DHRS7B: variants seen among roughly 807,000 people sequenced by gnomAD.
The protein encoded by DHRS7B is dehydrogenase/reductase 7B, also known as peroxisomal reductase activating PPAR-gamma.
DHRS7B carries 24 observed loss-of-function variants against 26.4 expected under a neutral mutation model. The ratio of observed to expected loss-of-function variants is 0.91; its 90% CI spans 0.66 to 1.28. The LOEUF is 1.28. Among genes scored for constraint, DHRS7B ranks in the 50% most tolerant of loss-of-function variants. The probability of loss-of-function intolerance (pLI) is 0.00; values close to 1 mark genes in which losing one functional copy is unlikely to be tolerated. For missense variants in DHRS7B, 368 were observed against 419.4 expected (o/e 0.88, Z 1.07); for synonymous variants, 142 against 166.4 (o/e 0.85, Z 1.13).
chr17:21,156,520 G>A (rs371821125), intron 1 of DHRS7B, among the ~76,000 whole-genome samples: 7 of 151,836 alleles, frequency 4.6e-5, no homozygotes, highest in Middle Eastern at 3.2e-3. Flanking sequence ...CAGGAGAATC[G>A]CTTGAACCTG....
chr17:21,151,939 A>C (rs936508509), intron 1 of DHRS7B, among the ~76,000 whole-genome samples: 1 of 152,128 alleles, frequency 6.6e-6, no homozygotes, highest in Non-Finnish European at 1.5e-5. Context: ...TTTTCACAAG[A>C]TCTGGCTGTG....
intron 1 of DHRS7B, among the ~76,000 whole-genome samples, chr17:21,157,052 T>A (rs768404131): frequency 6.6e-6 from 1 of 152,156 alleles, no homozygotes; most frequent in Admixed American, 6.5e-5. Flanking sequence ...CCTGTATCTA[T>A]TAGAGAAATG....
chr17:21,139,987 T>A (rs943040865), intron 1 of DHRS7B, among the ~76,000 whole-genome samples: 3 of 151,034 alleles, frequency 2.0e-5, no homozygotes, highest in Non-Finnish European at 4.4e-5. Context: ...TGTAGATTCA[T>A]AGAAACCTTT....
At chr17:21,189,574 C>G (rs1293307774) in intron 6 of DHRS7B, among the ~76,000 whole-genome samples, 1 of 152,238 alleles carries the variant, frequency 6.6e-6, no homozygotes, top group African/African-American at 2.4e-5. Context: ...GCTGTGATGT[C>G]TGCCAGGGGC....
At chr17:21,138,077 T>G (rs11657776) in intron 1 of DHRS7B, among the ~76,000 whole-genome samples, 1 of 97,502 alleles carries the variant, frequency 1.0e-5, no homozygotes, top group African/African-American at 4.7e-5. Flanking sequence ...AAAAAAAAAA[T>G]ATATATATAT....
chr17:21,160,977 A>G (rs147679411), intron 1 of DHRS7B, among the ~76,000 whole-genome samples: 38 of 152,338 alleles, frequency 2.5e-4, no homozygotes, highest in African/African-American at 8.7e-4. Context: ...TATGTACCAT[A>G]TGTTTCCAAG....
rs74878014 is a variant in DHRS7B, at chr17:21,134,131, T to G, written c.20+7140T>G. On this transcript the variant is annotated intron_variant, in intron 1 of 6. Coordinates refer to ENST00000395511, the MANE Select transcript of DHRS7B (RefSeq NM_015510.5). ...AAAATAATAAAAATTGGAAAAACAT[T>G]AGGCAAGACTAGACTCCAACAACAG... Among the ~76,000 whole-genome samples, 1,498 of 152,292 alleles carry G rather than the reference T, an allele frequency of 9.8e-3. 13 individuals are homozygous for G. The highest frequency in any genetic ancestry group is 0.017 in the Non-Finnish European group (1,134 of 68,016).
chr17:21,190,289 C>G (rs897479751), intron 6 of DHRS7B, among the ~76,000 whole-genome samples: 1 of 152,112 alleles, frequency 6.6e-6, no homozygotes, highest in Non-Finnish European at 1.5e-5. Flanking sequence ...CATCAGTTGC[C>G]GTTAATCTAA....
chr17:21,135,402 T>C (rs1175388022), intron 1 of DHRS7B, among the ~76,000 whole-genome samples: 1 of 152,222 alleles, frequency 6.6e-6, no homozygotes, highest in Non-Finnish European at 1.5e-5. Flanking sequence ...AAAGACATAA[T>C]TTATTATTTG....
intron 1 of DHRS7B, among the ~76,000 whole-genome samples, chr17:21,142,963 A>T (rs1435543385): frequency 6.6e-6 from 1 of 152,080 alleles, no homozygotes; most frequent in African/African-American, 2.4e-5. Context: ...GCGTCTTGCT[A>T]TGTTGCCCAG....
intron 1 of DHRS7B, among the ~76,000 whole-genome samples, chr17:21,154,332 T>C (rs557804443): frequency 1.4e-4 from 22 of 151,972 alleles, no homozygotes; most frequent in Admixed American, 4.6e-4. Flanking sequence ...AAATTACATC[T>C]GACTTCTCAG....
intron 1 of DHRS7B, among the ~76,000 whole-genome samples, chr17:21,130,961 A>C (rs905225645): frequency 1.3e-4 from 20 of 152,176 alleles, no homozygotes; most frequent in Non-Finnish European, 1.5e-5. Flanking sequence ...GAAATACAAC[A>C]AATTCCTTAG....
At chr17:21,140,426 T>C (rs1973471049) in intron 1 of DHRS7B, among the ~76,000 whole-genome samples, 2 of 148,530 alleles carry the variant, frequency 1.3e-5, no homozygotes, top group Admixed American at 1.4e-4. Context: ...GTTTACATTA[T>C]AAGGTGCGGA....
chr17:21,184,734 A>T (rs1323838672), intron 5 of DHRS7B, among the ~76,000 whole-genome samples: 1 of 152,102 alleles, frequency 6.6e-6, no homozygotes, highest in Admixed American at 6.6e-5. Flanking sequence ...AGCCCGGAGG[A>T]CTGCTGTGAG....
intron 3 of DHRS7B, among the ~76,000 whole-genome samples, chr17:21,179,970 T>G (rs1191205182): frequency 1.3e-5 from 2 of 151,714 alleles, no homozygotes; most frequent in East Asian, 3.9e-4. Context: ...TTCTCCATAT[T>G]GGTCAGGCTG....
At chr17:21,152,632 A>G (rs12600689) in intron 1 of DHRS7B, among the ~76,000 whole-genome samples, 53,216 of 144,326 alleles carry the variant, frequency 0.37, 9,535 homozygotes, top group Middle Eastern at 0.46. Context: ...GAGGGAGGGG[A>G]AAAAAAATCA....
intron 1 of DHRS7B, among the ~76,000 whole-genome samples, chr17:21,164,922 C>T (rs1347890841): frequency 6.6e-6 from 1 of 152,196 alleles, no homozygotes; most frequent in African/African-American, 2.4e-5. Context: ...CATACTCAAA[C>T]ATGACGAGCC....
chr17:21,177,000 C>A (rs532567963), intron 2 of DHRS7B, among the ~76,000 whole-genome samples: 16 of 152,086 alleles, frequency 1.1e-4, no homozygotes, highest in Non-Finnish European at 2.1e-4. Context: ...TCCCATCACT[C>A]CGTTTCCTTT....
intron 1 of DHRS7B, among the ~76,000 whole-genome samples, chr17:21,141,578 A>T (rs1973510157): frequency 7.5e-6 from 1 of 133,330 alleles, no homozygotes; most frequent in Non-Finnish European, 1.6e-5. Context: ...TTACCTAGGG[A>T]TGAGTCTCAG....
Sources: allele counts gnomAD v4.1 joint callset (sites outside exome capture counted in the v4.1 genomes callset), GRCh38; gene constraint gnomAD v4.1.1; transcripts MANE v1.5; gene names NCBI Gene and HGNC (gene_info 2026-07-23, HGNC 2026-07-21).